The following ASXL2 variants were observed in gnomAD, a reference collection of about 807,000 sequenced individuals.
ASXL2 encodes putative Polycomb group protein ASXL2.
A neutral mutation model predicts 122.0 loss-of-function variants in ASXL2; 23 were observed. That is an observed-to-expected ratio of 0.19 (90% CI 0.14 to 0.27). The LOEUF is 0.27. Among genes scored for constraint, ASXL2 ranks in the 10% least tolerant of loss-of-function variants. The pLI, the probability that ASXL2 is intolerant of heterozygous loss-of-function variation, is 1.00. For synonymous variants in ASXL2, 650 were observed against 637.0 expected (o/e 1.02, Z -0.31); for missense variants, 1,518 against 1,713.8 (o/e 0.89, Z 2.02).
intron 1 of ASXL2, chr2:25,856,478 T>G (rs1574450715): frequency 9.5e-7 from 1 of 1,047,886 alleles, no homozygotes; most frequent in Admixed American, 1.8e-5. Flanking sequence ...GCCTTCGGGT[T>G]ACGGAACTTG....
At chr2:25,874,772 T>C (rs1401168295) in intron 1 of ASXL2, among the ~76,000 whole-genome samples, 2 of 152,168 alleles carry the variant, frequency 1.3e-5, no homozygotes, top group Admixed American at 6.5e-5. Flanking sequence ...CCACCATCAC[T>C]ACTGCCCTTA....
Position 25,878,166 on chromosome 2 carries a change from C to T in ASXL2, c.57G>A (p.Thr19=). 6.2e-7 allele frequency: 1 copy of T among 1,613,878 alleles called. No homozygotes were observed. Among genetic ancestry groups the T allele is most frequent in the Non-Finnish European group, 8.5e-7 (1 of 1,179,866 alleles). Residue 19 remains threonine (T), a splice_region_variant and synonymous_variant, in exon 1 of 13, where the codon ACG becomes ACA. Coordinates refer to ENST00000435504, the MANE Select transcript of ASXL2 (RefSeq NM_018263.6). ...TTCCCCTTCGCTCCCTCCCCCTTAC[C>T]GTCTTGGCGGCCTCCGCCCAGGTCC... ...KGRTWAEAAK[T]VLEKYPNTPM... is the part of the protein sequence containing the mutation.
intron 1 of ASXL2, among the ~76,000 whole-genome samples, chr2:25,846,233 GT>G (rs1046533171): frequency 2.0e-5 from 3 of 152,206 alleles, no homozygotes; most frequent in East Asian, 1.9e-4. Flanking sequence ...AATTATCTGG[GT>G]TTTTCCCCCC....
At position 25,749,686 on chromosome 2, in the gene ASXL2, A is replaced by C; in HGVS notation, c.1860+10T>G. On this transcript the variant is annotated intron_variant, in intron 12 of 12. Coordinates refer to ENST00000435504, the MANE Select transcript of ASXL2 (RefSeq NM_018263.6). ...GATCTCTGCTTTTCTAATTCTCTCC[A>C]TTCTCTTACCTTGAGAGGTGGTACT... The C allele has an allele frequency of 6.7e-7, 1 of 1,502,760 alleles. No individual in the cohort carries two copies. The highest frequency in any genetic ancestry group is 8.9e-7 in the Non-Finnish European group (1 of 1,128,028). 93.1% of individuals were successfully genotyped at this position (1,502,760 alleles called of 1,614,324 possible). A position where few individuals can be genotyped will look rare whatever the true frequency, so the allele number is the denominator to read the frequency against.
intron 5 of ASXL2, among the ~76,000 whole-genome samples, chr2:25,775,643 CCCTTCG>C (rs2088534883): frequency 6.6e-6 from 1 of 152,072 alleles, no homozygotes; most frequent in South Asian, 2.1e-4. Context: ...TGGTTGCTTC[CCCTTCG>C]CCTTCTGCCA....
Position 25,739,931 on chromosome 2 carries a change from G to C in ASXL2, c.*2098C>G, listed in dbSNP as rs901272013. On this transcript the variant is annotated 3_prime_UTR_variant, in exon 13 of 13. Coordinates refer to ENST00000435504, the MANE Select transcript of ASXL2 (RefSeq NM_018263.6). The stretch of plus-strand genomic sequence containing the variant: ...GTGGAGTTAAGGGGTAGGGCAGGGA[G>C]AGTTCTATGCAGCAACAGGTCTCTT... 1.4e-4 allele frequency: 30 copies of C among 217,468 alleles called. No individual in the cohort carries two copies. Among genetic ancestry groups the C allele is most frequent in the Admixed American group, 5.8e-4 (10 of 17,204 alleles). The allele number at this position is 217,468 out of a possible 1,614,324, so 13.5% of individuals were successfully genotyped here.
At chr2:25,747,437 G>A (rs780386976) in intron 12 of ASXL2, among the ~76,000 whole-genome samples, 1 of 152,168 alleles carries the variant, frequency 6.6e-6, no homozygotes, top group Non-Finnish European at 1.5e-5. Flanking sequence ...ATTTGAGATA[G>A]GGTCTAAGAG....
intron 10 of ASXL2, 34 bp from the exon 11 acceptor site, chr2:25,753,673 A>T (rs1273335725): frequency 1.0e-5 from 15 of 1,493,908 alleles, no homozygotes; most frequent in Non-Finnish European, 1.4e-5. Context: ...ATTCAATAGA[A>T]AAATGCTATT....
intron 2 of ASXL2, among the ~76,000 whole-genome samples, chr2:25,843,669 A>C (rs2089614242): frequency 6.6e-6 from 1 of 152,044 alleles, no homozygotes; most frequent in Non-Finnish European, 1.5e-5. Flanking sequence ...AGAGAAAAGA[A>C]AATGAGTGCC....
chr2:25,770,559 A>G (rs1437834903), intron 6 of ASXL2, among the ~76,000 whole-genome samples: 1 of 152,040 alleles, frequency 6.6e-6, no homozygotes, highest in Non-Finnish European at 1.5e-5. Context: ...GTTCAAGACC[A>G]GCCTGACCAA....
At chr2:25,852,716 A>G (rs2089731112) in intron 1 of ASXL2, among the ~76,000 whole-genome samples, 2 of 152,234 alleles carry the variant, frequency 1.3e-5, no homozygotes, top group Non-Finnish European at 2.9e-5. Flanking sequence ...GACCAGAGAG[A>G]TGAGAAGAAA....
At chr2:25,821,331 T>C (rs1483276091) in intron 3 of ASXL2, among the ~76,000 whole-genome samples, 2 of 147,512 alleles carry the variant, frequency 1.4e-5, no homozygotes, top group Non-Finnish European at 3.0e-5. Flanking sequence ...CACTCCAGCC[T>C]GGGTGACAGA....
intron 3 of ASXL2, among the ~76,000 whole-genome samples, chr2:25,809,067 T>C (rs371974454): frequency 6.6e-6 from 1 of 152,200 alleles, no homozygotes; most frequent in East Asian, 1.9e-4. Context: ...TACAATGAGA[T>C]AGCACTTTTA....
intron 2 of ASXL2, among the ~76,000 whole-genome samples, chr2:25,840,224 C>G (rs1054977339): frequency 6.6e-6 from 1 of 152,102 alleles, no homozygotes; most frequent in Non-Finnish European, 1.5e-5. Flanking sequence ...AAAAGGAATT[C>G]ACGTTTCTAA....
intron 6 of ASXL2, 91 bp from the exon 7 acceptor site, chr2:25,768,959 G>GATT: frequency 4.3e-6 from 6 of 1,380,434 alleles, no homozygotes; most frequent in Non-Finnish European, 4.9e-6. Flanking sequence ...CAAGAAGCAT[G>GATT]CTGATCGTTC....
At chr2:25,774,076 T>C (rs911885056) in intron 5 of ASXL2, among the ~76,000 whole-genome samples, 1 of 151,756 alleles carries the variant, frequency 6.6e-6, no homozygotes, top group African/African-American at 2.4e-5. Context: ...ACTATACATC[T>C]TGCCTAAAGT....
intron 5 of ASXL2, among the ~76,000 whole-genome samples, chr2:25,785,257 G>T (rs1190790533): frequency 6.6e-6 from 1 of 151,920 alleles, no homozygotes; most frequent in Non-Finnish European, 1.5e-5. Flanking sequence ...ACAGAGTCTC[G>T]CTCTGTCTCC....
intron 5 of ASXL2, among the ~76,000 whole-genome samples, chr2:25,783,552 T>C (rs961428550): frequency 1.4e-4 from 22 of 152,150 alleles, no homozygotes; most frequent in African/African-American, 5.3e-4. Context: ...ATTAGTTTAC[T>C]TTATTATTCT....
Position 25,740,720 on chromosome 2 carries a change from C to A in ASXL2, c.*1309G>T. The A allele has an allele frequency of 4.7e-6, 1 of 213,368 alleles. No individual in the cohort carries two copies. The highest frequency in any genetic ancestry group is 9.5e-6 in the Non-Finnish European group (1 of 105,602). The allele number at this position is 213,368 out of a possible 1,614,324, so 13.2% of individuals were successfully genotyped here. On this transcript the variant is annotated 3_prime_UTR_variant, in exon 13 of 13. Transcript: ENST00000435504. ...CCTTCCTTTCCAGATGTTCCCTTAG[C>A]CATTCAGAGGCCTCTTTCCATTAGA...
Sources: gnomAD v4.1 joint callset for allele counts (sites outside exome capture counted in the v4.1 genomes callset) on GRCh38, gnomAD v4.1.1 for gene constraint, MANE v1.5 for transcripts, NCBI Gene and HGNC (gene_info 2026-07-23, HGNC 2026-07-21) for gene names.